MALRD1: variants seen among roughly 807,000 people sequenced by gnomAD.
The protein encoded by MALRD1 is MAM and LDL receptor class A domain containing 1.
A neutral mutation model predicts 242.1 loss-of-function variants in MALRD1; 247 were observed. The ratio of observed to expected loss-of-function variants is 1.02; its 90% CI spans 0.92 to 1.13. The LOEUF (loss-of-function observed/expected upper bound fraction) is 1.13, where lower values mean the gene tolerates loss of function less well. Ranked by LOEUF, MALRD1 falls within the 50% of genes most tolerant of loss-of-function variation. The pLI is 0.00. For synonymous variants in MALRD1, 995 were observed against 866.6 expected, an observed-to-expected ratio of 1.15 and a Z score of -2.60; for missense variants, 2,989 against 2,533.1, an observed-to-expected ratio of 1.18 and a Z score of -3.86.
intron 12 of MALRD1, among the ~76,000 whole-genome samples, chr10:19,161,929 G>A (rs961194028): frequency 2.0e-5 from 3 of 152,130 alleles, no homozygotes; most frequent in African/African-American, 7.2e-5. Flanking sequence ...TCTGGAGGCT[G>A]AGGCAGGAGA....
chr10:19,733,118 T>C (rs1439009871), intron 39 of MALRD1, among the ~76,000 whole-genome samples: 2 of 152,154 alleles, frequency 1.3e-5, no homozygotes, highest in South Asian at 4.1e-4. Flanking sequence ...TTTCAAACTA[T>C]GTTTTAAATT....
intron 1 of MALRD1, among the ~76,000 whole-genome samples, chr10:19,065,539 A>G (rs1590379354): frequency 6.6e-6 from 1 of 152,156 alleles, no homozygotes; most frequent in South Asian, 2.1e-4. Flanking sequence ...TATTTTGGTC[A>G]GCAGAGTTGT....
intron 21 of MALRD1, among the ~76,000 whole-genome samples, chr10:19,323,160 G>A (rs149265717): frequency 1.3e-5 from 2 of 152,188 alleles, no homozygotes; most frequent in African/African-American, 4.8e-5. Context: ...GTGAAACTGA[G>A]CTAAATCAAT....
chr10:19,104,662 G>A (rs1318998965), intron 5 of MALRD1, among the ~76,000 whole-genome samples: 2 of 151,922 alleles, frequency 1.3e-5, no homozygotes, highest in African/African-American at 2.4e-5. Context: ...AAAAGAGTCA[G>A]TCATATTGAA....
At chr10:19,066,934 C>G in intron 2 of MALRD1, 75 bp downstream of exon 2, 1 of 1,098,902 alleles carries the variant, frequency 9.1e-7, no homozygotes, top group Non-Finnish European at 1.2e-6. Flanking sequence ...CTTCTTCGTT[C>G]TTTCCCACCT....
intron 38 of MALRD1, chr10:19,728,551 G>A (rs1379655072): frequency 6.6e-6 from 1 of 151,662 alleles, no homozygotes; most frequent in South Asian, 2.1e-4. Context: ...TTCAGCTCCT[G>A]GTTGTATGCT....
At chr10:19,722,915 T>C (rs927700577) in intron 38 of MALRD1, among the ~76,000 whole-genome samples, 1 of 152,204 alleles carries the variant, frequency 6.6e-6, no homozygotes, top group Non-Finnish European at 1.5e-5. Context: ...GTAGGAGCCA[T>C]ATACTAATCA....
At position 19,532,872 on chromosome 10, in the gene MALRD1, A is replaced by G. The variant is rs547083136; in HGVS notation, c.5478+1521A>G. ...TTAAATTATTTTTCATAGTTTTTAC[A>G]TCTAATCGATGAATATTCAATAGAT... On this transcript the variant is annotated intron_variant, in intron 32 of 39. Transcript: ENST00000454679. Among the ~76,000 whole-genome samples the G allele has an allele frequency of 2.0e-5, 3 of 152,366 alleles. No homozygotes were observed. In the East Asian group the frequency reaches 5.8e-4, roughly 29 times the overall value.
In MALRD1 at chr10:19,692,279, C is replaced by A. The variant is rs1833108279; in HGVS notation, c.6138-3C>A. On this transcript the variant is annotated splice_region_variant and splice_polypyrimidine_tract_variant and intron_variant, in intron 36 of 39. Coordinates refer to ENST00000454679, the MANE Select transcript of MALRD1 (RefSeq NM_001142308.3). ...CAACTATTTTATTTTATCTCCTTTC[C>A]AGATGTAGACAAGGCTGGAAAGGAA... 6.5e-7 allele frequency: 1 copy of A among 1,530,804 alleles called. No homozygotes were observed. The highest frequency in any genetic ancestry group is 8.7e-7 in the Non-Finnish European group (1 of 1,144,082). 94.8% of individuals were successfully genotyped at this position (1,530,804 alleles called of 1,614,324 possible).
intron 29 of MALRD1, among the ~76,000 whole-genome samples, chr10:19,467,065 C>G (rs1172145414): frequency 1.3e-5 from 2 of 152,002 alleles, no homozygotes; most frequent in African/African-American, 2.4e-5. Context: ...AATTTAAGGA[C>G]CTTTCTTGGC....
chr10:19,264,250 G>A (rs924653481), intron 19 of MALRD1, among the ~76,000 whole-genome samples: 7 of 151,988 alleles, frequency 4.6e-5, no homozygotes, highest in African/African-American at 1.7e-4. Context: ...ATTTTCATAT[G>A]TTGAACCACC....
chr10:19,094,870 C>T (rs117944154), intron 4 of MALRD1, among the ~76,000 whole-genome samples: 3,398 of 152,256 alleles, frequency 0.022, 45 homozygotes, highest in Non-Finnish European at 0.034. Flanking sequence ...AAAACTTATG[C>T]ATGGTCGAAA....
At chr10:19,686,009 C>T (rs1341526892) in intron 36 of MALRD1, among the ~76,000 whole-genome samples, 1 of 152,002 alleles carries the variant, frequency 6.6e-6, no homozygotes, top group African/African-American at 2.4e-5. Flanking sequence ...TCATGCAGCA[C>T]CTAAGTATGT....
intron 36 of MALRD1, among the ~76,000 whole-genome samples, chr10:19,662,414 G>A (rs1308881239): frequency 6.6e-6 from 1 of 152,066 alleles, no homozygotes; most frequent in Non-Finnish European, 1.5e-5. Flanking sequence ...AAAGCAGAAA[G>A]ATAACTCATT....
chr10:19,209,853 T>G (rs866011329), intron 18 of MALRD1, among the ~76,000 whole-genome samples, 173 bp downstream of exon 18: 1 of 152,186 alleles, frequency 6.6e-6, no homozygotes, highest in Non-Finnish European at 1.5e-5. Context: ...TGTTTCCTCC[T>G]TGACTACCCC....
intron 26 of MALRD1, among the ~76,000 whole-genome samples, chr10:19,371,809 C>T (rs981486859): frequency 6.6e-6 from 1 of 152,166 alleles, no homozygotes; most frequent in Admixed American, 6.6e-5. Flanking sequence ...TTTTCTATCA[C>T]TATAATTTCA....
chr10:19,467,030 T>C (rs1439057529), intron 29 of MALRD1, among the ~76,000 whole-genome samples: 1 of 152,100 alleles, frequency 6.6e-6, no homozygotes, highest in Non-Finnish European at 1.5e-5. Context: ...ATTGGATTAC[T>C]GCTCCACCCT....
chr10:19,689,232 CTG>C (rs147003604), intron 36 of MALRD1, among the ~76,000 whole-genome samples: 24 of 150,160 alleles, frequency 1.6e-4, no homozygotes, highest in Middle Eastern at 3.5e-3. Flanking sequence ...ATAGATACCT[CTG>C]TGTGTGTGTG....
intron 28 of MALRD1, among the ~76,000 whole-genome samples, chr10:19,418,491 G>C (rs1833596433): frequency 6.6e-6 from 1 of 152,086 alleles, no homozygotes; most frequent in African/African-American, 2.4e-5. Context: ...TGCCTGACAT[G>C]TAGTAACATT....
Sources: allele counts gnomAD v4.1 joint callset (sites outside exome capture counted in the v4.1 genomes callset), GRCh38; gene constraint gnomAD v4.1.1; transcripts MANE v1.5; gene names NCBI Gene and HGNC (gene_info 2026-07-23, HGNC 2026-07-21).